The following DST variants were observed in gnomAD, a reference collection of about 807,000 sequenced individuals.
DST encodes the protein bullous pemphigoid antigen.
Under a neutral mutation model 875.2 loss-of-function variants are expected in DST, and 253 were observed. The ratio of observed to expected loss-of-function variants is 0.29; its 90% CI spans 0.26 to 0.32. The LOEUF (loss-of-function observed/expected upper bound fraction) is 0.32, where lower values mean the gene tolerates loss of function less well. Ranked by LOEUF, DST falls within the 10% of genes least tolerant of loss-of-function variation. The pLI is 1.00. For missense variants in DST, 8,287 were observed against 9,111.6 expected, an observed-to-expected ratio of 0.91 and a Z score of 3.68; for synonymous variants, 3,124 against 3,197.1, an observed-to-expected ratio of 0.98 and a Z score of 0.77.
At chr6:56,724,330 G>A (rs2099436410) in intron 5 of DST, among the ~76,000 whole-genome samples, 1 of 152,130 alleles carries the variant, frequency 6.6e-6, no homozygotes, top group Non-Finnish European at 1.5e-5. Flanking sequence ...GTGTCCTTCT[G>A]GTGTAACTGT....
intron 15 of DST, among the ~76,000 whole-genome samples, chr6:56,644,306 C>T (rs2098929647): frequency 6.6e-6 from 1 of 152,148 alleles, no homozygotes; most frequent in Admixed American, 6.5e-5. Context: ...GTTATGTACA[C>T]ATATTATTAT....
Position 56,593,728 on chromosome 6 carries a change from T to G in DST, c.12661A>C (p.Thr4221Pro), listed in dbSNP as rs748216495. The change falls in exon 48 of 104, where the codon ACC becomes CCC. Residue 4221 changes from threonine (T) to proline (P), a missense_variant. Thr to Pro is a conservative substitution (Grantham distance 38). Around this residue, in one of 10 missense-constraint regions of DST, gnomAD observed 1,513 missense variants for 1,677.8 expected, o/e 0.90. Coordinates refer to ENST00000680361, the MANE Select transcript of DST (RefSeq NM_001374736.1). ...RDGGKVDTSA[T>P]HREVQRKLDH... ...AACTTGCGCTGCACTTCTCTGTGGG[T>G]TGCAGAAGTATCAACCTTGCCACCG... 22 of 1,613,682 alleles carry G rather than the reference T, an allele frequency of 1.4e-5. No individual in the cohort carries two copies. Among genetic ancestry groups the G allele is most frequent in the Non-Finnish European group, 1.8e-5 (21 of 1,179,680 alleles).
At chr6:56,544,544 AAAC>A (rs2097191247) in intron 61 of DST, among the ~76,000 whole-genome samples, 1 of 152,214 alleles carries the variant, frequency 6.6e-6, no homozygotes, top group Non-Finnish European at 1.5e-5. Context: ...ACTGTCTGCC[AAAC>A]AACATGTAAG....
chr6:56,584,851 T>G (rs2098113569), intron 49 of DST, among the ~76,000 whole-genome samples: 1 of 152,304 alleles, frequency 6.6e-6, no homozygotes. Flanking sequence ...ATTGAGATAA[T>G]CATGTGGTTT....
Position 56,501,598 on chromosome 6 carries a change from G to C in DST, c.19662C>G (p.Asp6554Glu). The C allele has an allele frequency of 1.2e-6, 2 of 1,608,934 alleles. No homozygotes were observed. The highest frequency in any genetic ancestry group is 1.7e-6 in the Non-Finnish European group (2 of 1,177,668). ...TTAATGGGTCTTGAACAGTGTGTTT[G>C]TCACTCTCTTCTGTTACTTTCTTTA... ...LLLKKVTEES[D>E]KHTVQDPLME... The change falls in exon 79 of 104, where the codon GAC becomes GAG. Residue 6554 changes from aspartate to glutamate, a missense_variant. This residue lies in a region of DST where 1,292 missense variants were observed against 1,552.7 expected (regional missense o/e 0.83). Transcript: ENST00000680361.
At chr6:56,781,705 AC>A (rs2099694384) in intron 4 of DST, among the ~76,000 whole-genome samples, 3 of 152,198 alleles carry the variant, frequency 2.0e-5, no homozygotes, top group Middle Eastern at 6.8e-3. Context: ...CTAATTGAAT[AC>A]CCTTTATTTC....
At chr6:56,892,194 C>T (rs1787903279) in intron 3 of DST, among the ~76,000 whole-genome samples, 2 of 152,064 alleles carry the variant, frequency 1.3e-5, no homozygotes, top group Non-Finnish European at 2.9e-5. Context: ...GTATGTTGGC[C>T]CCTAACTATT....
chr6:56,877,128 T>A (rs1779945920), intron 3 of DST, among the ~76,000 whole-genome samples: 1 of 152,208 alleles, frequency 6.6e-6, no homozygotes. Context: ...CTGGCTCTGA[T>A]CAAATGTCAC....
At position 56,532,369 on chromosome 6, in the gene DST, C is replaced by T. The variant is rs1273409067; in HGVS notation, c.17083G>A (p.Ala5695Thr). The change falls in exon 64 of 104, where the codon GCA (alanine) becomes ACA (threonine). Residue 5695 changes from alanine (A) to threonine (T), a missense_variant. Transcript: ENST00000680361. ...CTTGTTTCAGCTTTATTAAGCAATG[C>T]CTCCCATCTGCTATCCAAGAGACTG... The part of the protein sequence containing the change: ...QLSLLDSRWE[A>T]LLNKAETRNR... 3 of 1,613,422 alleles carry T rather than the reference C, an allele frequency of 1.9e-6. No individual in the cohort carries two copies. The highest frequency in any genetic ancestry group is 3.3e-5 in the Admixed American group (2 of 59,986).
intron 9 of DST, among the ~76,000 whole-genome samples, chr6:56,680,640 C>T (rs1354205983): frequency 3.9e-5 from 6 of 152,316 alleles, no homozygotes; most frequent in Non-Finnish European, 7.3e-5. Flanking sequence ...CCTCTCTAGC[C>T]ATTCCTTCTC....
intron 3 of DST, 41 bp from the exon 4 acceptor site, chr6:56,851,645 C>A (rs1227273893): frequency 6.3e-7 from 1 of 1,590,524 alleles, no homozygotes; most frequent in African/African-American, 1.3e-5. Context: ...CAGCAAAATA[C>A]TCACATATGC....
intron 4 of DST, among the ~76,000 whole-genome samples, chr6:56,824,299 G>C (rs867863638): frequency 2.6e-5 from 4 of 152,340 alleles, no homozygotes; most frequent in Middle Eastern, 6.8e-3. Flanking sequence ...ACGGAGTCTC[G>C]TTCACTCAGT....
At chr6:56,542,407 TG>T (rs1165835701) in intron 61 of DST, 5 of 115,244 alleles carry the variant, frequency 4.3e-5, no homozygotes, top group Non-Finnish European at 8.4e-5. Context: ...ACAGAAAGCA[TG>T]GTGTACTACT....
intron 4 of DST, among the ~76,000 whole-genome samples, chr6:56,766,742 G>T (rs1161476769): frequency 6.6e-6 from 1 of 152,040 alleles, no homozygotes; most frequent in Non-Finnish European, 1.5e-5. Context: ...TGTTGGTCAG[G>T]CTGGTCTCGA....
chr6:56,873,671 T>C (rs1305986576), intron 3 of DST, among the ~76,000 whole-genome samples: 1 of 152,078 alleles, frequency 6.6e-6, no homozygotes, highest in East Asian at 1.9e-4. Context: ...GTGGATCTCA[T>C]GAAGATAGAG....
chr6:56,780,506 T>G (rs1342665810), intron 4 of DST, among the ~76,000 whole-genome samples: 1 of 152,070 alleles, frequency 6.6e-6, no homozygotes, highest in African/African-American at 2.4e-5. Flanking sequence ...ATGTGTCTTT[T>G]GGCTGCATAA....
At chr6:56,851,916 T>C (rs893542110) in intron 3 of DST, 8 of 1,540,602 alleles carry the variant, frequency 5.2e-6, no homozygotes, top group Middle Eastern at 1.7e-4. Context: ...GGCCCAACAA[T>C]GAAGCCAGAA....
chr6:56,722,526 G>A (rs187170660), intron 5 of DST, among the ~76,000 whole-genome samples: 55 of 152,242 alleles, frequency 3.6e-4, no homozygotes, highest in Admixed American at 2.0e-3. Flanking sequence ...TGGGATTACA[G>A]GTGCATGCCA....
chr6:56,460,032 C>G lies in DST; in HGVS notation c.23194+99G>C. 4.3e-6 allele frequency: 6 copies of G among 1,409,636 alleles called. No individual in the cohort carries two copies. In the Admixed American group the frequency reaches 1.0e-4, roughly 24 times the overall value. 87.3% of individuals were successfully genotyped at this position (1,409,636 alleles called of 1,614,324 possible). A position where few individuals can be genotyped will look rare whatever the true frequency, so the allele number is the denominator to read the frequency against. Reference sequence around the variant, plus strand: ...TATCATTTTAAGACTACCTCAGGGTCAATTTGTAATTTCTTCCCCAATGAG... The same window carrying G: ...TATCATTTTAAGACTACCTCAGGGTGAATTTGTAATTTCTTCCCCAATGAG... On this transcript the variant is annotated intron_variant, in intron 103 of 103. Transcript: ENST00000680361.
Sources: allele counts gnomAD v4.1 joint callset (sites outside exome capture counted in the v4.1 genomes callset), GRCh38; gene constraint gnomAD v4.1.1; regional missense constraint gnomAD v4.1.1; transcripts MANE v1.5; gene names NCBI Gene and HGNC (gene_info 2026-07-23, HGNC 2026-07-21).